The following EPHA6 variants were observed in gnomAD, a reference collection of about 807,000 sequenced individuals.
The protein encoded by EPHA6 is EPH receptor A6, also known as ephrin type-A receptor 6.
In EPHA6, 50 loss-of-function variants were observed where a neutral mutation model predicts 112.0. The observed-to-expected ratio is 0.45, with a 90% CI of 0.36 to 0.56. The LOEUF is 0.56. Among genes scored for constraint, EPHA6 ranks in the 20% least tolerant of loss-of-function variants. The probability of loss-of-function intolerance (pLI) is 0.00; values close to 1 mark genes in which losing one functional copy is unlikely to be tolerated. For missense variants in EPHA6, 1,280 were observed against 1,417.4 expected (o/e 0.90, Z 1.56); for synonymous variants, 529 against 490.7 (o/e 1.08, Z -1.03).
intron 2 of EPHA6, among the ~76,000 whole-genome samples, chr3:96,920,325 A>G (rs1216662406): frequency 6.6e-6 from 1 of 151,978 alleles, no homozygotes; most frequent in African/African-American, 2.4e-5. Context: ...ATTTAAGGGC[A>G]TAACATTCAT....
chr3:97,579,832 A>G (rs1046548178), intron 11 of EPHA6, among the ~76,000 whole-genome samples: 1 of 152,188 alleles, frequency 6.6e-6, no homozygotes, highest in African/African-American at 2.4e-5. Flanking sequence ...TAAATTTACC[A>G]TCATATAGTA....
At chr3:96,942,948 G>T (rs534861041) in intron 2 of EPHA6, among the ~76,000 whole-genome samples, 1 of 151,972 alleles carries the variant, frequency 6.6e-6, no homozygotes, top group Admixed American at 6.6e-5. Context: ...TTGCACACCA[G>T]AACTTATTCC....
chr3:97,641,581 CA>C (rs2094004947), intron 14 of EPHA6, among the ~76,000 whole-genome samples: 1 of 152,326 alleles, frequency 6.6e-6, no homozygotes, highest in East Asian at 1.9e-4. Flanking sequence ...ATAGTGGGTG[CA>C]GCGCACCATG....
At chr3:97,166,186 G>T (rs578247971) in intron 3 of EPHA6, among the ~76,000 whole-genome samples, 3 of 151,984 alleles carry the variant, frequency 2.0e-5, no homozygotes, top group African/African-American at 7.2e-5. Flanking sequence ...AAATATGTAA[G>T]TGCTGCTATG....
chr3:97,621,582 A>C (rs903078549), intron 13 of EPHA6, among the ~76,000 whole-genome samples: 1 of 151,842 alleles, frequency 6.6e-6, no homozygotes, highest in Non-Finnish European at 1.5e-5. Context: ...CCTAAGAAGA[A>C]AGTTGAACCA....
chr3:97,383,888 A>T (rs1004644027), intron 5 of EPHA6, among the ~76,000 whole-genome samples: 4 of 152,170 alleles, frequency 2.6e-5, no homozygotes, highest in Non-Finnish European at 5.9e-5. Flanking sequence ...AATCCTAAAC[A>T]TCTAATTTTC....
intron 2 of EPHA6, among the ~76,000 whole-genome samples, chr3:96,907,747 T>C (rs1308558315): frequency 6.6e-6 from 1 of 151,870 alleles, no homozygotes; most frequent in African/African-American, 2.4e-5. Context: ...TTTTGTGTAA[T>C]ATGAAAAAAT....
intron 5 of EPHA6, among the ~76,000 whole-genome samples, chr3:97,376,152 G>C (rs1207454886): frequency 6.6e-6 from 1 of 151,964 alleles, no homozygotes; most frequent in Non-Finnish European, 1.5e-5. Flanking sequence ...AATATATACA[G>C]TTTATCATAT....
intron 2 of EPHA6, among the ~76,000 whole-genome samples, chr3:96,977,879 C>A (rs1387156040): frequency 6.6e-6 from 1 of 152,152 alleles, no homozygotes; most frequent in African/African-American, 2.4e-5. Context: ...TTAATCATAG[C>A]TGGGCATGCT....
rs1397311377 is a variant in EPHA6 at position 96,814,758 on chromosome 3, C to T, written c.135C>T (p.Arg45=). The T allele has an allele frequency of 6.3e-7, 1 of 1,598,760 alleles. No homozygotes were observed. Among genetic ancestry groups the T allele is most frequent in the Non-Finnish European group, 8.5e-7 (1 of 1,171,426 alleles). The change falls in exon 1 of 18, where the codon CGC becomes CGT. Residue 45 remains arginine, a synonymous_variant. Coordinates refer to ENST00000389672, the MANE Select transcript of EPHA6 (RefSeq NM_001080448.3). ...CPVPGTSRRG[R]PGTPPAGRVE... ...TTCCCGGGACCTCGCGCAGGGGGCG[C>T]CCCGGGACACCCCCTGCGGGCCGGG...
At chr3:97,182,340 A>C (rs913087074) in intron 3 of EPHA6, among the ~76,000 whole-genome samples, 13 of 148,856 alleles carry the variant, frequency 8.7e-5, no homozygotes, top group African/African-American at 2.9e-4. Flanking sequence ...ATTATATATA[A>C]TTATCATATT....
intron 3 of EPHA6, among the ~76,000 whole-genome samples, chr3:96,999,723 GCA>G (rs2043563418): frequency 6.6e-6 from 1 of 151,834 alleles, no homozygotes; most frequent in Non-Finnish European, 1.5e-5. Context: ...GTCTGATAAT[GCA>G]CAGTTTTCTC....
chr3:97,306,816 G>A (rs531130680), intron 5 of EPHA6, among the ~76,000 whole-genome samples: 2 of 151,410 alleles, frequency 1.3e-5, no homozygotes, highest in African/African-American at 4.8e-5. Context: ...CCTAAAATAC[G>A]GCCTACCAGT....
chr3:96,940,974 AGTCTGATGGGCTTCCCTTTG>A (rs1434728597), intron 2 of EPHA6, among the ~76,000 whole-genome samples: 1 of 152,192 alleles, frequency 6.6e-6, no homozygotes, highest in African/African-American at 2.4e-5. Context: ...ATCAGCTGTT[AGTCTGATGGGCTTCCCTTTG>A]TGGGTAACCC....
chr3:97,604,082 C>T (rs2093662124), intron 12 of EPHA6, among the ~76,000 whole-genome samples: 1 of 151,722 alleles, frequency 6.6e-6, no homozygotes, highest in South Asian at 2.1e-4. Context: ...CTTTTCATCT[C>T]ACCACCCTAA....
chr3:97,065,721 G>T (rs576804234), intron 3 of EPHA6, among the ~76,000 whole-genome samples: 2 of 152,144 alleles, frequency 1.3e-5, no homozygotes, highest in African/African-American at 4.8e-5. Flanking sequence ...CACATTAAAT[G>T]AGTTTATGTC....
intron 3 of EPHA6, among the ~76,000 whole-genome samples, chr3:97,094,127 C>T (rs1009948991): frequency 1.3e-5 from 2 of 152,072 alleles, no homozygotes; most frequent in Non-Finnish European, 2.9e-5. Flanking sequence ...GTCATATGGC[C>T]TTTCAATAAA....
chr3:97,044,718 A>G (rs2045441498), intron 3 of EPHA6, among the ~76,000 whole-genome samples: 1 of 152,112 alleles, frequency 6.6e-6, no homozygotes, highest in Non-Finnish European at 1.5e-5. Context: ...TTCTAGGAAA[A>G]AAAAAAATCT....
intron 3 of EPHA6, among the ~76,000 whole-genome samples, chr3:97,137,873 TA>T (rs966499262): frequency 8.5e-5 from 13 of 152,106 alleles, no homozygotes; most frequent in Admixed American, 2.0e-4. Flanking sequence ...ATGTAATTTT[TA>T]AAAATGTAGA....
Sources: gnomAD v4.1 joint callset for allele counts (sites outside exome capture counted in the v4.1 genomes callset) on GRCh38, gnomAD v4.1.1 for gene constraint, MANE v1.5 for transcripts, NCBI Gene and HGNC (gene_info 2026-07-23, HGNC 2026-07-21) for gene names.